The following PYCR2 variants were observed in gnomAD, a reference collection of about 807,000 sequenced individuals.
PYCR2 encodes P5C reductase 2.
PYCR2 carries 17 observed loss-of-function variants against 23.4 expected under a neutral mutation model. The ratio of observed to expected loss-of-function variants is 0.73; its 90% CI spans 0.50 to 1.09. The LOEUF (loss-of-function observed/expected upper bound fraction) is 1.09, where lower values mean the gene tolerates loss of function less well. Among genes scored for constraint, PYCR2 ranks in the 50% least tolerant of loss-of-function variants. The pLI is 0.00. For missense variants in PYCR2, 380 were observed against 423.5 expected (o/e 0.90, Z 0.90); for synonymous variants, 172 against 176.6 (o/e 0.97, Z 0.21).
In PYCR2 at chr1:225,921,416, G is replaced by A; in HGVS notation, c.634-45C>T. ...AGGAGAAAGTTGCTGGTGTGCGTTG[G>A]AACAGGCTTCCCATACCCACTGCTC... On this transcript the variant is annotated intron_variant, in intron 5 of 6. Coordinates refer to ENST00000343818, the MANE Select transcript of PYCR2 (RefSeq NM_013328.4). This position sits in a 1 kb window ranked among gnomAD's most constrained non-coding sequence, Gnocchi z 4.2. 1 of 1,524,534 alleles carries A rather than the reference G, an allele frequency of 6.6e-7. No individual in the cohort carries two copies. The highest frequency in any genetic ancestry group is 1.7e-5 in the Admixed American group (1 of 58,132). 94.4% of individuals were successfully genotyped at this position (1,524,534 alleles called of 1,614,324 possible).
rs191605313 is a variant in PYCR2, at chr1:225,921,982, G to T, written c.416C>A (p.Thr139Asn). ...CTGCCCATCCTCCACCAGGGCATGG[G>T]TGCCCGTGGCGTACACTGTAGCGCC... ...QEGATVYATG[T>N]HALVEDGQLL... The change falls in exon 4 of 7, where the codon ACC (threonine) becomes AAC (asparagine). Residue 139 changes from threonine (T) to asparagine (N), a missense_variant. Thr to Asn is a moderately conservative substitution (Grantham distance 65, BLOSUM62 0). Coordinates refer to ENST00000343818, the MANE Select transcript of PYCR2 (RefSeq NM_013328.4). This position sits in a 1 kb window ranked among gnomAD's most constrained non-coding sequence, Gnocchi z 4.2. 6.2e-7 allele frequency: 1 copy of T among 1,614,024 alleles called. No individual in the cohort carries two copies. Among genetic ancestry groups the T allele is most frequent in the Non-Finnish European group, 8.5e-7 (1 of 1,180,010 alleles).
At position 225,924,064 on chromosome 1, in the gene PYCR2, G is replaced by T; in HGVS notation, c.47C>A (p.Ala16Glu). Reference sequence around the variant, plus strand: ...CTTGCCTGCGGCCGTGAAGCCCCGCGCCAGAGCATAGGCCAGCTGGCCGGC... The same window carrying T: ...CTTGCCTGCGGCCGTGAAGCCCCGCTCCAGAGCATAGGCCAGCTGGCCGGC... Reference protein sequence around the residue: ...IGAGQLAYALARGFTAAGILS... With the variant: ...IGAGQLAYALERGFTAAGILS... Residue 16 changes from alanine (A) to glutamate (E), a missense_variant, in exon 1 of 7, where the codon GCG becomes GAG. Ala to Glu is a moderately radical substitution (Grantham distance 107). Transcript: ENST00000343818. 1 of 1,543,508 alleles carries T rather than the reference G, an allele frequency of 6.5e-7. No homozygotes were observed. The highest frequency in any genetic ancestry group is 1.7e-4 in the Middle Eastern group (1 of 5,982).
chr1:225,922,160 C>G, intron 3 of PYCR2, 44 bp downstream of exon 3: 1 of 1,607,158 alleles, frequency 6.2e-7, no homozygotes, highest in South Asian at 1.1e-5. Flanking sequence ...ATTCGTGGGT[C>G]AACCCTCCCC....
Position 225,924,039 on chromosome 1 carries a change from C to G in PYCR2, c.67+5G>C. The G allele has an allele frequency of 1.9e-6, 3 of 1,538,704 alleles. No homozygotes were observed. Among genetic ancestry groups the G allele is most frequent in the Non-Finnish European group, 2.6e-6 (3 of 1,145,030 alleles). ...CGAAGCCGCCTCCCGCCTCCACGCGCTTGCCTGCGGCCGTGAAGCCCCGCG... is the reference window on the plus strand; with the variant it reads ...CGAAGCCGCCTCCCGCCTCCACGCGGTTGCCTGCGGCCGTGAAGCCCCGCG... On this transcript the variant is annotated splice_donor_5th_base_variant and intron_variant, in intron 1 of 6. Transcript: ENST00000343818.
At position 225,924,158 on chromosome 1, in the gene PYCR2, G is replaced by A; in HGVS notation, c.-48C>T. 6.6e-7 allele frequency: 1 copy of A among 1,516,006 alleles called. No homozygotes were observed. The highest frequency in any genetic ancestry group is 8.8e-7 in the Non-Finnish European group (1 of 1,133,660). 93.9% of individuals were successfully genotyped at this position (1,516,006 alleles called of 1,614,324 possible). ...GGAGCCGCACGAACCCCCTCAGCGA[G>A]GGACCGGAAGTAACGCTAGGGGAAG... On this transcript the variant is annotated 5_prime_UTR_variant, in exon 1 of 7. Transcript: ENST00000343818.
intron 2 of PYCR2, chr1:225,923,059 G>C: frequency 1.0e-6 from 1 of 957,432 alleles, no homozygotes; most frequent in Non-Finnish European, 1.2e-6. Flanking sequence ...GGCCACTGTT[G>C]TAAATGAGGA....
chr1:225,921,846 T>C lies in PYCR2; in HGVS notation c.540+12A>G. 1 of 1,612,730 alleles carries C rather than the reference T, an allele frequency of 6.2e-7. No homozygotes were observed. The highest frequency in any genetic ancestry group is 1.1e-5 in the South Asian group (1 of 91,000). ...GTTCCTAGAAGGCTGAGCGAGCAAA[T>C]GAGGGCCTCACATAGGCAGGCCCGC... On this transcript the variant is annotated intron_variant, in intron 4 of 6. Coordinates refer to ENST00000343818, the MANE Select transcript of PYCR2 (RefSeq NM_013328.4). This position sits in a 1 kb window ranked among gnomAD's most constrained non-coding sequence, Gnocchi z 4.2.
At position 225,921,713 on chromosome 1, in the gene PYCR2, T is replaced by C; in HGVS notation, c.541-69A>G. The C allele has an allele frequency of 2.5e-6, 4 of 1,594,910 alleles. No individual in the cohort carries two copies. Among genetic ancestry groups the C allele is most frequent in the Admixed American group, 1.7e-5 (1 of 59,830 alleles). ...GCCTTTCCTTAGGTCTGCTTTCTGA[T>C]GACTAGAACTAGCTCCAAGGGTCAG... On this transcript the variant is annotated intron_variant, in intron 4 of 6. Transcript: ENST00000343818. This position sits in a 1 kb window ranked among gnomAD's most constrained non-coding sequence, Gnocchi z 4.2.
In PYCR2 at chr1:225,922,903, T is replaced by C. The variant is rs978130321; in HGVS notation, c.139-520A>G. On this transcript the variant is annotated intron_variant, in intron 2 of 6. Transcript: ENST00000343818. ...ATCAGCCCACCCTAGGCACAGACACTGCCTGTCACCTGCCTCATCAGCCAT... is the reference window on the plus strand; with the variant it reads ...ATCAGCCCACCCTAGGCACAGACACCGCCTGTCACCTGCCTCATCAGCCAT... 3 of 798,808 alleles carry C rather than the reference T, an allele frequency of 3.8e-6. No homozygotes were observed. In the African/African-American group the frequency reaches 5.6e-5, roughly 15 times the overall value. The allele number at this position is 798,808 out of a possible 1,614,324, so 49.5% of individuals were successfully genotyped here. A position where few individuals can be genotyped will look rare whatever the true frequency, so the allele number is the denominator to read the frequency against.
At position 225,922,152 on chromosome 1, in the gene PYCR2, T is replaced by C. The variant is rs779572314; in HGVS notation, c.318+52A>G. On this transcript the variant is annotated intron_variant, in intron 3 of 6. Coordinates refer to ENST00000343818, the MANE Select transcript of PYCR2 (RefSeq NM_013328.4). The stretch of plus-strand genomic sequence containing the variant: ...CCAGCACCCACCCATTAGCTGCCAT[T>C]CGTGGGTCAACCCTCCCCTCACACA... 22 of 1,606,840 alleles carry C rather than the reference T, an allele frequency of 1.4e-5. No homozygotes were observed. The South Asian group carries it at 2.3e-4, about 17-fold the overall frequency.
chr1:225,921,376 G>T lies in PYCR2; in HGVS notation c.634-5C>A. On this transcript the variant is annotated splice_region_variant and splice_polypyrimidine_tract_variant and intron_variant, in intron 5 of 6. Coordinates refer to ENST00000343818, the MANE Select transcript of PYCR2 (RefSeq NM_013328.4). The surrounding 1 kb of genome is among the most constrained non-coding windows in gnomAD (Gnocchi z 4.2). ...CAGCAGCATCTTGGCAGCTCCCTATGGGGAAGGGCACATTAGGAGAAAGTT... is the reference window on the plus strand; with the variant it reads ...CAGCAGCATCTTGGCAGCTCCCTATTGGGAAGGGCACATTAGGAGAAAGTT... 6.5e-7 allele frequency: 1 copy of T among 1,536,186 alleles called. No individual in the cohort carries two copies.
Position 225,920,333 on chromosome 1 carries a change from TA to T in PYCR2, c.*121del. ...TTATCACAAGGACCTGAAAACTTCC[TA>T]AGCATGCTTTCTCCTTGCACAGCTG... On this transcript the variant is annotated 3_prime_UTR_variant, in exon 7 of 7. Coordinates refer to ENST00000343818, the MANE Select transcript of PYCR2 (RefSeq NM_013328.4). 1 of 1,007,156 alleles carries T rather than the reference TA, an allele frequency of 9.9e-7. No homozygotes were observed. 62.4% of individuals were successfully genotyped at this position (1,007,156 alleles called of 1,614,324 possible).
intron 2 of PYCR2, chr1:225,923,112 G>A (rs1018603814): frequency 3.0e-5 from 25 of 830,450 alleles, no homozygotes; most frequent in Middle Eastern, 6.1e-4. Flanking sequence ...CATACAACTC[G>A]TCTATTAAGA....
chr1:225,921,745 G>A lies in PYCR2; in HGVS notation c.541-101C>T. On this transcript the variant is annotated intron_variant, in intron 4 of 6. Coordinates refer to ENST00000343818, the MANE Select transcript of PYCR2 (RefSeq NM_013328.4). The surrounding 1 kb of genome is among the most constrained non-coding windows in gnomAD (Gnocchi z 4.2). Reference sequence around the variant, plus strand: ...AACTAGCTCCAAGGGTCAGCATCCTGTACCAGCCAGCTGTGCCCAAGAGGT... The same window carrying A: ...AACTAGCTCCAAGGGTCAGCATCCTATACCAGCCAGCTGTGCCCAAGAGGT... The A allele has an allele frequency of 6.3e-7, 1 of 1,581,430 alleles. No homozygotes were observed. The highest frequency in any genetic ancestry group is 8.7e-7 in the Non-Finnish European group (1 of 1,153,808).
Position 225,921,101 on chromosome 1 carries a change from T to C in PYCR2, c.797+107A>G, listed in dbSNP as rs1416369667. On this transcript the variant is annotated intron_variant, in intron 6 of 6. Coordinates refer to ENST00000343818, the MANE Select transcript of PYCR2 (RefSeq NM_013328.4). The surrounding 1 kb of genome is among the most constrained non-coding windows in gnomAD (Gnocchi z 4.2). ...ATTAACAGAGCACAGACTCCAACAC[T>C]GCTAAATGGGACCCAAGACAGCAGG... is the stretch of plus-strand genomic sequence containing the variant. 8.3e-7 allele frequency: 1 copy of C among 1,210,820 alleles called. No individual in the cohort carries two copies. Among genetic ancestry groups the C allele is most frequent in the Non-Finnish European group, 1.2e-6 (1 of 856,324 alleles). 75.0% of individuals were successfully genotyped at this position (1,210,820 alleles called of 1,614,324 possible).
chr1:225,920,382 G>A lies in PYCR2; in HGVS notation c.*73C>T. Reference sequence around the variant, plus strand: ...CTGAGGAGGGGCAATGGTGGGAGCGGGGCAGGGGGGTGGCAGGGGCGGCAG... The same window carrying A: ...CTGAGGAGGGGCAATGGTGGGAGCGAGGCAGGGGGGTGGCAGGGGCGGCAG... On this transcript the variant is annotated 3_prime_UTR_variant, in exon 7 of 7. Transcript: ENST00000343818. 1 of 1,361,386 alleles carries A rather than the reference G, an allele frequency of 7.3e-7. No homozygotes were observed. The highest frequency in any genetic ancestry group is 9.9e-7 in the Non-Finnish European group (1 of 1,010,306). 84.3% of individuals were successfully genotyped at this position (1,361,386 alleles called of 1,614,324 possible).
At position 225,923,784 on chromosome 1, in the gene PYCR2, G is replaced by C. The variant is rs754316264; in HGVS notation, c.68-13C>G. 9 of 1,613,982 alleles carry C rather than the reference G, an allele frequency of 5.6e-6. No individual in the cohort carries two copies. The highest frequency in any genetic ancestry group is 7.6e-6 in the Non-Finnish European group (9 of 1,180,022). On this transcript the variant is annotated splice_polypyrimidine_tract_variant and intron_variant, in intron 1 of 6. Transcript: ENST00000343818. ...GCCGACAGGATGCCTGCAGAAGACA[G>C]AGCTTTTCAACTAGGGGTCGCGGCC... is the stretch of plus-strand genomic sequence containing the variant.
Position 225,922,381 on chromosome 1 carries a change from C to T in PYCR2, c.141G>A (p.Lys47=). ...MNLPTVSALR[K]MGVNLTRSNK... The stretch of plus-strand genomic sequence containing the variant: ...TGCTGCGTGTCAGGTTCACACCCAT[C>T]TTCTGCAAGAGGAGACTCCCAGCTC... Residue 47 remains lysine, a splice_region_variant and synonymous_variant, in exon 3 of 7, where the codon AAG becomes AAA. Coordinates refer to ENST00000343818, the MANE Select transcript of PYCR2 (RefSeq NM_013328.4). 1 of 1,608,032 alleles carries T rather than the reference C, an allele frequency of 6.2e-7. No homozygotes were observed. Among genetic ancestry groups the T allele is most frequent in the Non-Finnish European group, 8.5e-7 (1 of 1,175,142 alleles).
At chr1:225,923,051 C>G in intron 2 of PYCR2, 5 of 967,902 alleles carry the variant, frequency 5.2e-6, no homozygotes, top group Non-Finnish European at 6.1e-6. Flanking sequence ...AGCAAAGTGG[C>G]CACTGTTGTA....
Sources: gnomAD v4.1 joint callset for allele counts on GRCh38, gnomAD v4.1.1 for gene constraint, Gnocchi (gnomAD v3.1) non-coding constraint, MANE v1.5 for transcripts, NCBI Gene and HGNC (gene_info 2026-07-23, HGNC 2026-07-21) for gene names.